The following ACOXL variants were observed in gnomAD, a reference collection of about 807,000 sequenced individuals.
The protein encoded by ACOXL is acyl-CoA oxidase like.
Under a neutral mutation model 71.9 loss-of-function variants are expected in ACOXL, and 70 were observed. That is an observed-to-expected ratio of 0.97 (90% CI 0.80 to 1.19). The LOEUF (loss-of-function observed/expected upper bound fraction) is 1.19. Ranked by LOEUF, ACOXL falls within the 50% of genes most tolerant of loss-of-function variation. The probability of loss-of-function intolerance (pLI) is 0.00; values close to 1 mark genes in which losing one functional copy is unlikely to be tolerated. For missense variants in ACOXL, 703 were observed against 736.3 expected (o/e 0.95, Z 0.52); for synonymous variants, 253 against 281.6 (o/e 0.90, Z 1.02).
intron 1 of ACOXL, among the ~76,000 whole-genome samples, chr2:110,745,341 A>G (rs1163067065): frequency 6.6e-6 from 1 of 152,188 alleles, no homozygotes; most frequent in African/African-American, 2.4e-5. Context: ...CCAGCTGGCC[A>G]TTGCTCTTCC....
chr2:111,036,716 T>C (rs2065534314), intron 15 of ACOXL: 1 of 152,252 alleles, frequency 6.6e-6, no homozygotes, highest in Non-Finnish European at 1.5e-5. Flanking sequence ...TCTCTGATGC[T>C]TGAGGTCTGG....
intron 12 of ACOXL, chr2:110,963,833 G>C: frequency 1.5e-6 from 2 of 1,365,594 alleles, no homozygotes; most frequent in African/African-American, 1.5e-5. Flanking sequence ...TTAGGCACTT[G>C]ATATTTGTTG....
At chr2:110,966,042 G>A (rs1905357) in intron 12 of ACOXL, among the ~76,000 whole-genome samples, 2 of 152,080 alleles carry the variant, frequency 1.3e-5, no homozygotes, top group African/African-American at 4.8e-5. Flanking sequence ...CCATTCTCCC[G>A]ACCGCCGTTG....
chr2:110,844,076 T>G, intron 10 of ACOXL, among the ~76,000 whole-genome samples: 1 of 152,258 alleles, frequency 6.6e-6, no homozygotes, highest in East Asian at 1.9e-4. Flanking sequence ...GTCTGAAGAC[T>G]TTGGGAGCAG....
chr2:111,013,332 T>C (rs1345077144), intron 14 of ACOXL, among the ~76,000 whole-genome samples: 4 of 152,032 alleles, frequency 2.6e-5, no homozygotes, highest in South Asian at 4.1e-4. Context: ...TGAGACCAGC[T>C]GACCAACATG....
chr2:110,912,968 A>G (rs1381997043), intron 11 of ACOXL, among the ~76,000 whole-genome samples: 1 of 152,242 alleles, frequency 6.6e-6, no homozygotes, highest in Non-Finnish European at 1.5e-5. Flanking sequence ...ACTTTCCTCC[A>G]AAGAAGATGT....
intron 12 of ACOXL, among the ~76,000 whole-genome samples, chr2:110,936,889 C>A (rs1421469283): frequency 6.6e-6 from 1 of 151,458 alleles, no homozygotes; most frequent in African/African-American, 2.4e-5. Context: ...GCTGTGTTGC[C>A]CAGGCTGGAG....
Position 111,065,118 on chromosome 2 carries a change from A to G in ACOXL, c.1440+15830A>G, listed in dbSNP as rs1385409045. The stretch of plus-strand genomic sequence containing the variant: ...AATTTTAAGACATATAACTATAGTA[A>G]TGAAGACTGTATGGTATTGGCAGGT... On this transcript the variant is annotated intron_variant, in intron 16 of 17. Transcript: ENST00000439055. 9.2e-5 allele frequency among the ~76,000 whole-genome samples: 14 copies of G among 152,188 alleles called. 1 individual carries two copies. The highest frequency in any genetic ancestry group is 9.2e-4 in the Admixed American group (14 of 15,288).
At chr2:111,027,360 C>T (rs1464772657) in intron 14 of ACOXL, among the ~76,000 whole-genome samples, 1 of 148,230 alleles carries the variant, frequency 6.7e-6, no homozygotes, top group African/African-American at 2.5e-5. Context: ...TTCACTCTGT[C>T]ACCCAGGCTG....
intron 17 of ACOXL, among the ~76,000 whole-genome samples, chr2:111,114,453 A>G (rs920311248): frequency 6.6e-6 from 1 of 152,208 alleles, no homozygotes; most frequent in African/African-American, 2.4e-5. Flanking sequence ...GGATGGAGAA[A>G]AAGACTCTAC....
At chr2:111,105,131 A>C (rs1327228135) in intron 17 of ACOXL, among the ~76,000 whole-genome samples, 1 of 152,058 alleles carries the variant, frequency 6.6e-6, no homozygotes, top group Non-Finnish European at 1.5e-5. Flanking sequence ...ACACCTTTAA[A>C]AATTAGTTGG....
intron 13 of ACOXL, among the ~76,000 whole-genome samples, chr2:110,991,008 G>A (rs1441135617): frequency 6.6e-6 from 1 of 152,088 alleles, no homozygotes; most frequent in Non-Finnish European, 1.5e-5. Context: ...GTTATTTTGG[G>A]GGGAGTGGTT....
At chr2:111,093,478 T>C (rs2068645917) in intron 17 of ACOXL, 1 of 1,613,962 alleles carries the variant, frequency 6.2e-7, no homozygotes, top group Non-Finnish European at 8.5e-7. Context: ...GATTACATCC[T>C]TTCTGCAGGA....
At chr2:110,781,373 C>T (rs181054596) in intron 2 of ACOXL, among the ~76,000 whole-genome samples, 2 of 151,358 alleles carry the variant, frequency 1.3e-5, no homozygotes, top group African/African-American at 2.4e-5. Context: ...CAGGCACAGT[C>T]GTTCACGCCT....
At chr2:110,988,295 G>A (rs2063022069) in intron 13 of ACOXL, among the ~76,000 whole-genome samples, 2 of 152,118 alleles carry the variant, frequency 1.3e-5, no homozygotes, top group Non-Finnish European at 2.9e-5. Flanking sequence ...ACAAAAATTA[G>A]CCAGGCGTGG....
chr2:111,101,005 G>A (rs1359313727), intron 17 of ACOXL: 1 of 152,680 alleles, frequency 6.5e-6, no homozygotes, highest in Non-Finnish European at 1.5e-5. Context: ...CAAGCCTGTT[G>A]ATTGATGAGT....
chr2:110,810,057 G>A (rs937608767), intron 9 of ACOXL, among the ~76,000 whole-genome samples: 2 of 152,208 alleles, frequency 1.3e-5, no homozygotes, highest in African/African-American at 4.8e-5. Context: ...ACTGGCTGGG[G>A]CTGGGGCAGA....
rs760574274 is a variant in ACOXL at position 111,041,457 on chromosome 2, C to T, written c.1370-7761C>T. The stretch of plus-strand genomic sequence containing the variant: ...GTGGTTGTGATGGCCTCCAGCTGAG[C>T]GTTAGTGTCAAAGTTGTCCTTCCAT... On this transcript the variant is annotated intron_variant, in intron 15 of 17. Coordinates refer to ENST00000439055, the MANE Select transcript of ACOXL (RefSeq NM_001142807.4). Among the ~76,000 whole-genome samples the T allele has an allele frequency of 6.6e-5, 10 of 152,152 alleles. No individual in the cohort carries two copies. In the East Asian group the frequency reaches 1.7e-3, roughly 26 times the overall value.
chr2:111,064,385 G>A lies in ACOXL; in HGVS notation c.1440+15097G>A, dbSNP rs2066954909. ...TGGGAGGCGGAGCTTGCAGTGAGCC[G>A]AGATTGCGCCACTGCAGCCCGGACT... On this transcript the variant is annotated intron_variant, in intron 16 of 17. Coordinates refer to ENST00000439055, the MANE Select transcript of ACOXL (RefSeq NM_001142807.4). 1.4e-5 allele frequency among the ~76,000 whole-genome samples: 2 copies of A among 142,750 alleles called. 1 individual carries two copies. Among genetic ancestry groups the A allele is most frequent in the African/African-American group, 5.2e-5 (2 of 38,500 alleles). 93.6% of individuals were successfully genotyped at this position (142,750 alleles called of 152,430 possible). A position where few individuals can be genotyped will look rare whatever the true frequency, so the allele number is the denominator to read the frequency against.
Sources: allele counts gnomAD v4.1 joint callset (sites outside exome capture counted in the v4.1 genomes callset), GRCh38; gene constraint gnomAD v4.1.1; transcripts MANE v1.5; gene names NCBI Gene and HGNC (gene_info 2026-07-23, HGNC 2026-07-21).